Variants in EPHB6 observed in about 807,000 individuals in gnomAD.
The protein encoded by EPHB6 is EPH receptor B6.
In EPHB6, 51 loss-of-function variants were observed where a neutral mutation model predicts 107.0. That is an observed-to-expected ratio of 0.48 (90% CI 0.38 to 0.60). The LOEUF is 0.60. Among genes scored for constraint, EPHB6 ranks in the 20% least tolerant of loss-of-function variants. EPHB6 has a pLI of 0.00. For synonymous variants in EPHB6, 553 were observed against 549.0 expected, an observed-to-expected ratio of 1.01 and a Z score of -0.10; for missense variants, 1,141 against 1,355.5, an observed-to-expected ratio of 0.84 and a Z score of 2.48.
chr7:142,858,184 T>A (rs1205644173), intron 1 of EPHB6, among the ~76,000 whole-genome samples: 2 of 152,148 alleles, frequency 1.3e-5, no homozygotes, highest in Admixed American at 1.3e-4. Context: ...AATCCTTCAT[T>A]TCTACCTCCC....
At position 142,864,293 on chromosome 7, in the gene EPHB6, C is replaced by CCAT. The variant is rs1290988201; in HGVS notation, c.494_495insATC (p.Ser177dup). Reference sequence around the variant, plus strand: ...CACAATTGCAGCAGACGAGAGCTTTCCCTCCTCCTCCTCCTCCTCCTCCTC... The same window carrying CCAT: ...CACAATTGCAGCAGACGAGAGCTTTCCATCCTCCTCCTCCTCCTCCTCCTCCTC... On this transcript the variant is annotated inframe_insertion, in exon 7 of 20. Coordinates refer to ENST00000652003, the MANE Select transcript of EPHB6 (RefSeq NM_004445.6). The CCAT allele has an allele frequency of 3.8e-6, 6 of 1,559,850 alleles. No individual in the cohort carries two copies. The African/African-American group carries it at 8.2e-5, about 21-fold the overall frequency.
Position 142,867,911 on chromosome 7 carries a change from A to G in EPHB6, c.1866-86A>G. The G allele has an allele frequency of 6.5e-7, 1 of 1,535,892 alleles. No individual in the cohort carries two copies. Among genetic ancestry groups the G allele is most frequent in the Non-Finnish European group, 8.8e-7 (1 of 1,134,888 alleles). The stretch of plus-strand genomic sequence containing the variant: ...GCTGTCGTCCCCCCTCCACAGACCG[A>G]CTAAAGAGCAGTCTGGAGGGTGACA... On this transcript the variant is annotated intron_variant, in intron 12 of 19. Transcript: ENST00000652003. This position sits in a 1 kb window ranked among gnomAD's most constrained non-coding sequence, Gnocchi z 5.3.
chr7:142,869,877 A>C lies in EPHB6; in HGVS notation c.2521A>C (p.Thr841Pro). 1 of 1,614,214 alleles carries C rather than the reference A, an allele frequency of 6.2e-7. No individual in the cohort carries two copies. Among genetic ancestry groups the C allele is most frequent in the African/African-American group, 1.3e-5 (1 of 75,050 alleles). ...GGTCATTGCACATGGAAAGCATACA[A>C]CATCCAGTGATGTCTGGAGCTTTGG... The part of the protein sequence containing the change: ...PEVIAHGKHT[T>P]SSDVWSFGIL... Residue 841 changes from threonine to proline, a missense_variant, in exon 17 of 20, where the codon ACA (threonine) becomes CCA (proline). Around this residue, in one of 3 missense-constraint regions of EPHB6, gnomAD observed 616 missense variants for 759.3 expected, o/e 0.81. Transcript: ENST00000652003. The surrounding 1 kb of genome is among the most constrained non-coding windows in gnomAD (Gnocchi z 4.5).
Position 142,869,182 on chromosome 7 carries a change from C to T in EPHB6, c.2460+35C>T, listed in dbSNP as rs1359073963. The stretch of plus-strand genomic sequence containing the variant: ...CAGCCTTGGGGACACAGCCTGGGGC[C>T]TTGTGGCATGCCCCAGCAGGTGCTG... On this transcript the variant is annotated intron_variant, in intron 16 of 19. Transcript: ENST00000652003. The surrounding 1 kb of genome is among the most constrained non-coding windows in gnomAD (Gnocchi z 4.5). The T allele has an allele frequency of 1.2e-6, 2 of 1,602,538 alleles. No homozygotes were observed. The highest frequency in any genetic ancestry group is 2.7e-5 in the African/African-American group (2 of 74,742).
At chr7:142,856,651 T>C (rs1802623254) in intron 1 of EPHB6, among the ~76,000 whole-genome samples, 1 of 152,038 alleles carries the variant, frequency 6.6e-6, no homozygotes, top group African/African-American at 2.4e-5. Flanking sequence ...AAGCCTCAGG[T>C]TTCCCTTTCT....
chr7:142,865,319 C>T (rs1017848880), intron 7 of EPHB6, among the ~76,000 whole-genome samples, 156 bp from the exon 8 acceptor site: 3 of 152,182 alleles, frequency 2.0e-5, no homozygotes, highest in Non-Finnish European at 4.4e-5. Flanking sequence ...GAAATCTCTG[C>T]CTGAGGGAAG....
At position 142,869,153 on chromosome 7, in the gene EPHB6, A is replaced by G. The variant is rs2116478523; in HGVS notation, c.2460+6A>G. The G allele has an allele frequency of 1.9e-6, 3 of 1,611,916 alleles. No homozygotes were observed. Among genetic ancestry groups the G allele is most frequent in the Non-Finnish European group, 2.5e-6 (3 of 1,179,120 alleles). On this transcript the variant is annotated splice_donor_region_variant and intron_variant, in intron 16 of 19. Coordinates refer to ENST00000652003, the MANE Select transcript of EPHB6 (RefSeq NM_004445.6). The surrounding 1 kb of genome is among the most constrained non-coding windows in gnomAD (Gnocchi z 4.5). ...GTCTTGGCCACAGTCCTCAGGTGAG[A>G]GCACAGCCTTGGGGACACAGCCTGG...
At position 142,864,041 on chromosome 7, in the gene EPHB6, C is replaced by G. The variant is rs201154351; in HGVS notation, c.241C>G (p.Pro81Ala). 6.2e-7 allele frequency: 1 copy of G among 1,614,126 alleles called. No homozygotes were observed. The highest frequency in any genetic ancestry group is 2.2e-5 in the East Asian group (1 of 44,870). ...TFEACHVAGA[P>A]PGTGQDNWLQ... Reference sequence around the variant, plus strand: ...TGAGGCATGTCATGTGGCAGGGGCCCCTCCAGGCACCGGGCAGGACAATTG... The same window carrying G: ...TGAGGCATGTCATGTGGCAGGGGCCGCTCCAGGCACCGGGCAGGACAATTG... Residue 81 changes from proline to alanine, a missense_variant, in exon 7 of 20, where the codon CCT becomes GCT. Pro to Ala is a conservative substitution (Grantham distance 27). Coordinates refer to ENST00000652003, the MANE Select transcript of EPHB6 (RefSeq NM_004445.6).
In EPHB6 at chr7:142,866,446, C is replaced by G; in HGVS notation, c.1463-35C>G. 6.2e-7 allele frequency: 1 copy of G among 1,613,758 alleles called. No individual in the cohort carries two copies. Among genetic ancestry groups the G allele is most frequent in the Non-Finnish European group, 8.5e-7 (1 of 1,179,998 alleles). On this transcript the variant is annotated intron_variant, in intron 9 of 19. Coordinates refer to ENST00000652003, the MANE Select transcript of EPHB6 (RefSeq NM_004445.6). This position sits in a 1 kb window ranked among gnomAD's most constrained non-coding sequence, Gnocchi z 5.2. ...AAGGCTGATCCTGCTCCCAGGGACT[C>G]CTATCCCCATAATAATTTTCCTTTT...
chr7:142,863,753 T>C, intron 6 of EPHB6, 58 bp downstream of exon 6: 1 of 1,576,666 alleles, frequency 6.3e-7, no homozygotes, highest in South Asian at 1.1e-5. Flanking sequence ...CCCTGTTCCC[T>C]GGAGAGTGGA....
At position 142,868,647 on chromosome 7, in the gene EPHB6, A is replaced by G. The variant is rs1260640628; in HGVS notation, c.2194A>G (p.Ile732Val). The change falls in exon 15 of 20, where the codon ATC becomes GTC. Residue 732 changes from isoleucine to valine, a missense_variant. By Grantham distance (29) the Ile-to-Val change is conservative. Around this residue, in one of 3 missense-constraint regions of EPHB6, gnomAD observed 616 missense variants for 759.3 expected, o/e 0.81. Coordinates refer to ENST00000652003, the MANE Select transcript of EPHB6 (RefSeq NM_004445.6). The surrounding 1 kb of genome is among the most constrained non-coding windows in gnomAD (Gnocchi z 4.2). ...GCTGGGTCAGTTCCAGCACCCCAAC[A>G]TCCTGCGGCTGGAGGGCGTGGTCAC... Reference protein sequence around the residue: ...AVLGQFQHPNILRLEGVVTKS... With the variant: ...AVLGQFQHPNVLRLEGVVTKS... 1.2e-6 allele frequency: 2 copies of G among 1,613,682 alleles called. No homozygotes were observed. The highest frequency in any genetic ancestry group is 3.3e-5 in the Admixed American group (2 of 60,000).
intron 6 of EPHB6, 78 bp downstream of exon 6, chr7:142,863,773 G>A: frequency 1.9e-6 from 3 of 1,542,836 alleles, no homozygotes; most frequent in Non-Finnish European, 2.7e-6. Context: ...AATTCATGAA[G>A]GAAACCCTGG....
rs2116425915 is a variant in EPHB6 at position 142,864,569 on chromosome 7, G to C, written c.769G>C (p.Val257Leu). The change falls in exon 7 of 20, where the codon GTG (valine) becomes CTG (leucine). Residue 257 changes from valine to leucine, a missense_variant. Coordinates refer to ENST00000652003, the MANE Select transcript of EPHB6 (RefSeq NM_004445.6). Reference sequence around the variant, plus strand: ...CAGTGGGGCTGGGGGGGCCTCCCTGGTGGCAGCTGTGGGCACCTGTGTGGC... The same window carrying C: ...CAGTGGGGCTGGGGGGGCCTCCCTGCTGGCAGCTGTGGGCACCTGTGTGGC... ...QASGAGGASL[V>L]AAVGTCVAHA... 1 of 1,613,090 alleles carries C rather than the reference G, an allele frequency of 6.2e-7. No individual in the cohort carries two copies. The highest frequency in any genetic ancestry group is 1.7e-5 in the Admixed American group (1 of 60,018).
rs1028392129 is a variant in EPHB6, at chr7:142,868,066, G to A, written c.1918+17G>A. 1 of 1,608,880 alleles carries A rather than the reference G, an allele frequency of 6.2e-7. No homozygotes were observed. The highest frequency in any genetic ancestry group is 8.5e-7 in the Non-Finnish European group (1 of 1,177,610). ...GCAGCCCAGGTGGGGATGAGGAGAGGAAATGGGTGGGGCTGGGGAACACAT... is the reference window on the plus strand; with the variant it reads ...GCAGCCCAGGTGGGGATGAGGAGAGAAAATGGGTGGGGCTGGGGAACACAT... On this transcript the variant is annotated intron_variant, in intron 13 of 19. Transcript: ENST00000652003. The surrounding 1 kb of genome is among the most constrained non-coding windows in gnomAD (Gnocchi z 4.2).
chr7:142,859,625 AT>A (rs147693907), intron 1 of EPHB6, among the ~76,000 whole-genome samples: 20 of 150,570 alleles, frequency 1.3e-4, no homozygotes, highest in Admixed American at 2.0e-4. Flanking sequence ...CTCAGCAACA[AT>A]TTTTTTTTTC....
intron 6 of EPHB6, 34 bp from the exon 7 acceptor site, chr7:142,863,932 G>C (rs1802978634): frequency 6.2e-7 from 1 of 1,614,086 alleles, no homozygotes; most frequent in Non-Finnish European, 8.5e-7. Flanking sequence ...CTTAAGCCCG[G>C]AGCCCCTAAA....
chr7:142,869,219 G>A lies in EPHB6; in HGVS notation c.2460+72G>A, dbSNP rs1794777179. On this transcript the variant is annotated intron_variant, in intron 16 of 19. Transcript: ENST00000652003. This position sits in a 1 kb window ranked among gnomAD's most constrained non-coding sequence, Gnocchi z 4.5. ...CCCAGCAGGTGCTGGGGTCGGGGGTGAGCTGGAATCTGGGGTAGGTACCTC... is the reference window on the plus strand; with the variant it reads ...CCCAGCAGGTGCTGGGGTCGGGGGTAAGCTGGAATCTGGGGTAGGTACCTC... 6.4e-7 allele frequency: 1 copy of A among 1,562,580 alleles called. No homozygotes were observed. The highest frequency in any genetic ancestry group is 2.3e-5 in the East Asian group (1 of 44,314).
rs538727287 is a variant in EPHB6, at chr7:142,867,660, C to T, written c.1803C>T (p.Ile601=). The part of the protein sequence containing the change: ...PERLSLVIGS[I]LGALAFLLLA... ...GACTCTCCTTGGTGATCGGCTCCATCCTGGGGGCTTTGGCCTTCCTCCTGC... is the reference window on the plus strand; with the variant it reads ...GACTCTCCTTGGTGATCGGCTCCATTCTGGGGGCTTTGGCCTTCCTCCTGC... Residue 601 remains isoleucine (I), a synonymous_variant, in exon 12 of 20, where the codon ATC becomes ATT. Coordinates refer to ENST00000652003, the MANE Select transcript of EPHB6 (RefSeq NM_004445.6). The surrounding 1 kb of genome is among the most constrained non-coding windows in gnomAD (Gnocchi z 5.3). The T allele has an allele frequency of 9.3e-6, 15 of 1,613,690 alleles. No individual in the cohort carries two copies. Among genetic ancestry groups the T allele is most frequent in the Middle Eastern group, 1.6e-4 (1 of 6,062 alleles).
chr7:142,867,332 G>A lies in EPHB6; in HGVS notation c.1750+264G>A. ...GTGTTGTGTGTCCCTGGGTGTGGAT[G>A]TGGGAGGGCTGTGGGCGTGTGTGTG... On this transcript the variant is annotated intron_variant, in intron 11 of 19. Coordinates refer to ENST00000652003, the MANE Select transcript of EPHB6 (RefSeq NM_004445.6). This position sits in a 1 kb window ranked among gnomAD's most constrained non-coding sequence, Gnocchi z 5.3. 1.6e-6 allele frequency: 1 copy of A among 629,964 alleles called. No homozygotes were observed. Among genetic ancestry groups the A allele is most frequent in the South Asian group, 1.8e-5 (1 of 54,130 alleles). The allele number at this position is 629,964 out of a possible 1,614,324, so 39.0% of individuals were successfully genotyped here.
Sources: allele counts gnomAD v4.1 joint callset (sites outside exome capture counted in the v4.1 genomes callset), GRCh38; gene constraint gnomAD v4.1.1; regional missense constraint gnomAD v4.1.1; non-coding constraint Gnocchi (gnomAD v3.1); transcripts MANE v1.5; gene names NCBI Gene and HGNC (gene_info 2026-07-23, HGNC 2026-07-21).